Variants in IQGAP2 observed in about 807,000 individuals in gnomAD.
IQGAP2 encodes the protein ras GTPase-activating-like protein IQGAP2.
A neutral mutation model predicts 201.3 loss-of-function variants in IQGAP2; 173 were observed. The ratio of observed to expected loss-of-function variants is 0.86; its 90% confidence interval spans 0.76 to 0.98. The LOEUF (loss-of-function observed/expected upper bound fraction) is 0.98, where lower values mean the gene tolerates loss of function less well. Ranked by LOEUF, IQGAP2 falls within the 50% of genes least tolerant of loss-of-function variation. The pLI is 0.00. For missense variants in IQGAP2, 1,687 were observed against 1,864.8 expected (o/e 0.90, Z 1.76); for synonymous variants, 675 against 673.9 (o/e 1.00, Z -0.03).
At chr5:76,485,550 G>A (rs1319175939) in intron 2 of IQGAP2, among the ~76,000 whole-genome samples, 3 of 152,178 alleles carry the variant, frequency 2.0e-5, no homozygotes, top group African/African-American at 7.2e-5. Flanking sequence ...CATTTGCATG[G>A]GTTAGTTCTT....
At chr5:76,512,422 C>T (rs188400159) in intron 2 of IQGAP2, among the ~76,000 whole-genome samples, 1 of 152,210 alleles carries the variant, frequency 6.6e-6, no homozygotes. Flanking sequence ...GCTAACCTTT[C>T]TGCTTTAGTA....
At chr5:76,500,930 A>G (rs1757238444) in intron 2 of IQGAP2, among the ~76,000 whole-genome samples, 1 of 152,174 alleles carries the variant, frequency 6.6e-6, no homozygotes, top group Non-Finnish European at 1.5e-5. Context: ...AATTGCCTTG[A>G]TGACAGAGTA....
At chr5:76,562,151 T>C (rs549673855) in intron 2 of IQGAP2, among the ~76,000 whole-genome samples, 1 of 152,288 alleles carries the variant, frequency 6.6e-6, no homozygotes, top group South Asian at 2.1e-4. Flanking sequence ...CAGATAAAGG[T>C]GAAGTTGACG....
At chr5:76,685,033 A>G (rs1242954181) in intron 30 of IQGAP2, among the ~76,000 whole-genome samples, 1 of 152,176 alleles carries the variant, frequency 6.6e-6, no homozygotes, top group African/African-American at 2.4e-5. Flanking sequence ...CTGGGATACA[A>G]CAGTGGGTAA....
At chr5:76,621,755 C>T (rs953937309) in intron 13 of IQGAP2, among the ~76,000 whole-genome samples, 4 of 152,098 alleles carry the variant, frequency 2.6e-5, no homozygotes, top group Non-Finnish European at 5.9e-5. Flanking sequence ...GCCTGGTTTT[C>T]CTTATGAATT....
chr5:76,652,491 G>T (rs1316904829), intron 17 of IQGAP2, among the ~76,000 whole-genome samples: 1 of 152,114 alleles, frequency 6.6e-6, no homozygotes, highest in African/African-American at 2.4e-5. Flanking sequence ...AAGCTTTCCA[G>T]CAGGAACTGT....
At chr5:76,422,640 C>T (rs1027186706) in intron 1 of IQGAP2, among the ~76,000 whole-genome samples, 64 of 152,266 alleles carry the variant, frequency 4.2e-4, no homozygotes, top group African/African-American at 1.5e-3. Flanking sequence ...CTGATCTTAA[C>T]CCCGAGTCTC....
intron 13 of IQGAP2, chr5:76,617,940 G>A: frequency 6.2e-7 from 1 of 1,614,152 alleles, no homozygotes; most frequent in Non-Finnish European, 8.5e-7. Flanking sequence ...TTGGAAGGGA[G>A]ATGAGGACTC....
chr5:76,522,752 A>T (rs976789092), intron 2 of IQGAP2, among the ~76,000 whole-genome samples: 1 of 152,208 alleles, frequency 6.6e-6, no homozygotes, highest in Non-Finnish European at 1.5e-5. Flanking sequence ...TAGAAAGATC[A>T]ATCATTAACC....
intron 2 of IQGAP2, among the ~76,000 whole-genome samples, chr5:76,495,237 C>G (rs955425806): frequency 2.6e-5 from 4 of 152,212 alleles, no homozygotes; most frequent in African/African-American, 7.2e-5. Context: ...AACCCACACT[C>G]AGAGGCACCA....
rs185276134 is a variant in IQGAP2 at position 76,694,550 on chromosome 5, A to G, written c.3994-904A>G. Among the ~76,000 whole-genome samples, 20 of 152,364 alleles carry G rather than the reference A, an allele frequency of 1.3e-4. No homozygotes were observed. The East Asian group carries it at 3.9e-3, about 29-fold the overall frequency. ...CAGTTTCCTCAACTGTAAAATGGGTATAATAATAGTACCCAGCTCACAGGC... is the reference window on the plus strand; with the variant it reads ...CAGTTTCCTCAACTGTAAAATGGGTGTAATAATAGTACCCAGCTCACAGGC... On this transcript the variant is annotated intron_variant, in intron 31 of 35. Coordinates refer to ENST00000274364, the MANE Select transcript of IQGAP2 (RefSeq NM_006633.5).
chr5:76,460,747 G>C (rs1460743860), intron 1 of IQGAP2, among the ~76,000 whole-genome samples: 1 of 152,106 alleles, frequency 6.6e-6, no homozygotes, highest in Non-Finnish European at 1.5e-5. Flanking sequence ...ATGCTGTGGG[G>C]TGAGGTCTCC....
intron 1 of IQGAP2, among the ~76,000 whole-genome samples, chr5:76,451,214 C>T (rs913953452): frequency 4.6e-5 from 7 of 152,328 alleles, no homozygotes; most frequent in South Asian, 2.1e-4. Flanking sequence ...TCTGAAGTCA[C>T]GAAGTGTGCT....
chr5:76,496,770 T>C lies in IQGAP2; in HGVS notation c.146+35101T>C, dbSNP rs1288597865. Among the ~76,000 whole-genome samples, 2 of 96,360 alleles carry C rather than the reference T, an allele frequency of 2.1e-5. 1 individual carries two copies. Among genetic ancestry groups the C allele is most frequent in the Non-Finnish European group, 4.2e-5 (2 of 48,112 alleles). 63.2% of individuals were successfully genotyped at this position (96,360 alleles called of 152,430 possible). On this transcript the variant is annotated intron_variant, in intron 2 of 35. Coordinates refer to ENST00000274364, the MANE Select transcript of IQGAP2 (RefSeq NM_006633.5). ...CTTTCTTTCTTTCTTTCTTTCTTTC[T>C]TTCTTTCTTTCTTTCTTTCTTTCTC... is the stretch of plus-strand genomic sequence containing the variant.
intron 2 of IQGAP2, among the ~76,000 whole-genome samples, chr5:76,496,706 T>TTCTC (rs751350078): frequency 1.4e-4 from 2 of 13,946 alleles, no homozygotes; most frequent in East Asian, 1.4e-3. Context: ...TTCTGTCTCT[T>TTCTC]TCTTTCTTTC....
chr5:76,548,595 C>T (rs778623994), intron 2 of IQGAP2, among the ~76,000 whole-genome samples: 1 of 152,136 alleles, frequency 6.6e-6, no homozygotes, highest in Non-Finnish European at 1.5e-5. Context: ...ACAGCTCAGC[C>T]GCTTACTAGC....
intron 5 of IQGAP2, among the ~76,000 whole-genome samples, chr5:76,584,597 G>T (rs1746115431): frequency 6.6e-6 from 1 of 152,148 alleles, no homozygotes; most frequent in Non-Finnish European, 1.5e-5. Context: ...CCCTAAAGCA[G>T]CAAGTGTAGA....
At chr5:76,552,225 C>T (rs1743606728) in intron 2 of IQGAP2, among the ~76,000 whole-genome samples, 2 of 152,200 alleles carry the variant, frequency 1.3e-5, no homozygotes, top group South Asian at 4.1e-4. Flanking sequence ...TAGTCCAAGT[C>T]AGCAGTGTTT....
intron 2 of IQGAP2, among the ~76,000 whole-genome samples, chr5:76,490,714 G>T (rs1756486061): frequency 6.6e-6 from 1 of 152,014 alleles, no homozygotes; most frequent in African/African-American, 2.4e-5. Context: ...AGGTTATAGG[G>T]CCTTTTAAAA....
Sources: allele counts gnomAD v4.1 joint callset (sites outside exome capture counted in the v4.1 genomes callset), GRCh38; gene constraint gnomAD v4.1.1; transcripts MANE v1.5; gene names NCBI Gene and HGNC (gene_info 2026-07-23, HGNC 2026-07-21).